Variants in DMD observed in about 807,000 individuals in gnomAD.
DMD encodes the protein mutant dystrophin.
A neutral mutation model predicts 330.1 loss-of-function variants in DMD; 63 were observed. That is an observed-to-expected ratio of 0.19 (90% CI 0.16 to 0.24). The LOEUF is 0.24. Ranked by LOEUF, DMD falls within the 10% of genes least tolerant of loss-of-function variation. The probability of loss-of-function intolerance (pLI) is 1.00; values close to 1 mark genes in which losing one functional copy is unlikely to be tolerated. For missense variants in DMD, 3,344 were observed against 2,684.1 expected (o/e 1.25, Z -5.43); for synonymous variants, 1,223 against 959.8 (o/e 1.27, Z -5.07).
At chrX:32,220,658 T>A (rs753583366) in intron 43 of DMD, among the ~76,000 whole-genome samples, 2 of 110,954 alleles carry the variant, frequency 1.8e-5, no homozygotes, top group Admixed American at 9.7e-5. Flanking sequence ...ATATATATAT[T>A]TTTTCTGGTT....
At chrX:32,111,373 T>C (rs2096588702) in intron 44 of DMD, among the ~76,000 whole-genome samples, 1 of 111,724 alleles carries the variant, frequency 9.0e-6, no homozygotes, top group African/African-American at 3.2e-5. Context: ...AAGTTGAGTA[T>C]AGCATAACAA....
At chrX:33,313,846 A>G (rs2053886381) in intron 1 of DMD, among the ~76,000 whole-genome samples, 1 of 111,555 alleles carries the variant, frequency 9.0e-6, no homozygotes, top group Non-Finnish European at 1.9e-5. Context: ...GTTCATCAAT[A>G]TAATCAAACA....
chrX:32,100,832 C>T (rs867234709), intron 44 of DMD, among the ~76,000 whole-genome samples: 132 of 111,972 alleles, frequency 1.2e-3, no homozygotes, highest in African/African-American at 4.1e-3. Context: ...CATCTCCCTT[C>T]GCCATGCTTC....
chrX:31,656,109 A>G lies in DMD; in HGVS notation c.8027+1881T>C, dbSNP rs1000064000. On this transcript the variant is annotated intron_variant, in intron 54 of 78. Coordinates refer to ENST00000357033, the MANE Select transcript of DMD (RefSeq NM_004006.3). ...CTACACAAGTGGATGAATTCTTGCAAAGAGTACATGTGAAGTGAGAAAAGA... is the reference window on the plus strand; with the variant it reads ...CTACACAAGTGGATGAATTCTTGCAGAGAGTACATGTGAAGTGAGAAAAGA... 2.7e-5 allele frequency among the ~76,000 whole-genome samples: 3 copies of G among 112,175 alleles called. No homozygotes were observed. In the Admixed American group the frequency reaches 2.8e-4, roughly 11 times the overall value.
rs761624668 is a variant in DMD, at chrX:31,831,711, G to T, written c.7200+5007C>A. On this transcript the variant is annotated intron_variant, in intron 49 of 78. Transcript: ENST00000357033. ...CCTCCCGGGTTCATGCCATTCTCCT[G>T]CCTCAGCCTCCCGAGTAGCTGGGAC... Among the ~76,000 whole-genome samples the T allele has an allele frequency of 7.8e-3, 863 of 110,757 alleles. 13 individuals carry two copies. Among genetic ancestry groups the T allele is most frequent in the African/African-American group, 0.027 (812 of 30,339 alleles).
At chrX:32,792,597 T>C (rs929663038) in intron 7 of DMD, among the ~76,000 whole-genome samples, 17 of 111,907 alleles carry the variant, frequency 1.5e-4, no homozygotes, top group Middle Eastern at 4.7e-3. Flanking sequence ...TAAAGACACA[T>C]ATAGATTTGA....
intron 1 of DMD, among the ~76,000 whole-genome samples, chrX:33,287,985 G>A (rs1036469480): frequency 1.8e-5 from 2 of 111,406 alleles, no homozygotes; most frequent in African/African-American, 6.5e-5. Flanking sequence ...AAGCCACCCC[G>A]CAAAAGTGAA....
chrX:31,358,861 C>T (rs1412709075), intron 60 of DMD, among the ~76,000 whole-genome samples: 1 of 112,035 alleles, frequency 8.9e-6, no homozygotes, highest in East Asian at 2.8e-4. Flanking sequence ...TGTTCAATAA[C>T]GTGGCTAACA....
chrX:32,427,470 G>C (rs2098217883), intron 29 of DMD, among the ~76,000 whole-genome samples: 1 of 111,099 alleles, frequency 9.0e-6, no homozygotes, highest in African/African-American at 3.3e-5. Context: ...AGTGAATATA[G>C]AAAGGAAAGG....
chrX:32,731,555 C>T (rs780144737), intron 7 of DMD, among the ~76,000 whole-genome samples: 1,864 of 112,295 alleles, frequency 0.017, 44 homozygotes, highest in African/African-American at 0.057. Flanking sequence ...CAGTACGCAG[C>T]TGGAGATCTG....
chrX:33,203,393 G>A (rs1377112691), intron 1 of DMD, among the ~76,000 whole-genome samples: 1 of 111,642 alleles, frequency 9.0e-6, no homozygotes, highest in Non-Finnish European at 1.9e-5. Context: ...GAAGTGCAGA[G>A]TACAGGAAAA....
chrX:31,405,602 C>T (rs1412700394), intron 60 of DMD, among the ~76,000 whole-genome samples: 2 of 111,333 alleles, frequency 1.8e-5, no homozygotes, highest in Non-Finnish European at 3.8e-5. Context: ...GAAAGAGCTA[C>T]AAAATATTTA....
At chrX:32,794,482 G>A (rs959344335) in intron 7 of DMD, among the ~76,000 whole-genome samples, 1 of 111,486 alleles carries the variant, frequency 9.0e-6, no homozygotes, top group Non-Finnish European at 1.9e-5. Context: ...CCAGCTGCTC[G>A]GGAGGCTGAG....
intron 47 of DMD, among the ~76,000 whole-genome samples, chrX:31,889,647 TCACACA>T (rs773894352): frequency 2.3e-3 from 168 of 71,588 alleles, no homozygotes; most frequent in South Asian, 6.2e-3. Context: ...TCTCTCTCTC[TCACACA>T]CACACACACA....
At chrX:32,667,443 C>T (rs987700830) in intron 9 of DMD, among the ~76,000 whole-genome samples, 1 of 111,630 alleles carries the variant, frequency 9.0e-6, no homozygotes, top group African/African-American at 3.3e-5. Flanking sequence ...CTGTGTGACA[C>T]GATAAATTGG....
At chrX:32,412,438 GC>G (rs1405095102) in intron 29 of DMD, among the ~76,000 whole-genome samples, 3 of 112,068 alleles carry the variant, frequency 2.7e-5, no homozygotes, top group African/African-American at 6.5e-5. Context: ...ATTTCAACCA[GC>G]TTTGCATGAT....
At chrX:31,365,486 G>C in intron 60 of DMD, among the ~76,000 whole-genome samples, 1 of 112,038 alleles carries the variant, frequency 8.9e-6, no homozygotes, top group Middle Eastern at 4.6e-3. Context: ...ATGAAAGCTG[G>C]ATCTTCAAAG....
chrX:31,585,775 C>T (rs1191499121), intron 55 of DMD, among the ~76,000 whole-genome samples: 1 of 111,502 alleles, frequency 9.0e-6, no homozygotes, highest in Non-Finnish European at 1.9e-5. Flanking sequence ...CAATCAGCAA[C>T]AATAGTATCC....
intron 47 of DMD, among the ~76,000 whole-genome samples, chrX:31,918,788 C>T (rs1385018414): frequency 9.1e-6 from 1 of 110,329 alleles, no homozygotes; most frequent in Non-Finnish European, 1.9e-5. Flanking sequence ...AAGTCATGTG[C>T]CACCACGCCC....
Sources: gnomAD v4.1 joint callset for allele counts (sites outside exome capture counted in the v4.1 genomes callset) on GRCh38, gnomAD v4.1.1 for gene constraint, MANE v1.5 for transcripts, NCBI Gene and HGNC (gene_info 2026-07-23, HGNC 2026-07-21) for gene names.